DGKB: variants seen among roughly 807,000 people sequenced by gnomAD.
The protein encoded by DGKB is 90 kDa diacylglycerol kinase.
Under a neutral mutation model 114.3 loss-of-function variants are expected in DGKB, and 67 were observed. The ratio of observed to expected loss-of-function variants is 0.59; its 90% confidence interval spans 0.48 to 0.72. The LOEUF (loss-of-function observed/expected upper bound fraction) is 0.72, where lower values mean the gene tolerates loss of function less well. DGKB is among the 30% of genes least tolerant of loss of function. The pLI is 0.00. For missense variants in DGKB, 907 were observed against 975.2 expected, an observed-to-expected ratio of 0.93 and a Z score of 0.93; for synonymous variants, 398 against 323.1, an observed-to-expected ratio of 1.23 and a Z score of -2.49.
At chr7:14,679,157 C>T (rs776305456) in intron 12 of DGKB, among the ~76,000 whole-genome samples, 10 of 147,652 alleles carry the variant, frequency 6.8e-5, no homozygotes, top group Admixed American at 6.9e-5. Flanking sequence ...AGAGAAATGA[C>T]GTAAGTGTTC....
At position 14,701,673 on chromosome 7, in the gene DGKB, A is replaced by G; in HGVS notation, c.516+8T>C. ...AGTTTTCACAGAAACTTTGAAGAAA[A>G]AAATTACCGAGCTGTCCAGGAAGCC... On this transcript the variant is annotated splice_region_variant and intron_variant, in intron 7 of 25. Coordinates refer to ENST00000402815, the MANE Select transcript of DGKB (RefSeq NM_001350709.2). 1 of 1,603,260 alleles carries G rather than the reference A, an allele frequency of 6.2e-7. No homozygotes were observed. Among genetic ancestry groups the G allele is most frequent in the Non-Finnish European group, 8.5e-7 (1 of 1,170,898 alleles).
At chr7:14,276,523 A>G (rs1799019219) in intron 23 of DGKB, among the ~76,000 whole-genome samples, 1 of 152,224 alleles carries the variant, frequency 6.6e-6, no homozygotes, top group African/African-American at 2.4e-5. Flanking sequence ...CTGCAATATT[A>G]TATATACATC....
At chr7:14,309,555 G>C (rs1336488989) in intron 23 of DGKB, among the ~76,000 whole-genome samples, 1 of 152,122 alleles carries the variant, frequency 6.6e-6, no homozygotes, top group Non-Finnish European at 1.5e-5. Flanking sequence ...TGAATATCTG[G>C]AGCAATGCAA....
At chr7:14,891,093 C>T (rs1781152449) in intron 1 of DGKB, among the ~76,000 whole-genome samples, 1 of 151,254 alleles carries the variant, frequency 6.6e-6, no homozygotes, top group Non-Finnish European at 1.5e-5. Context: ...TCAGTACAAA[C>T]CATACTGATA....
At chr7:14,285,347 A>G (rs965415193) in intron 23 of DGKB, among the ~76,000 whole-genome samples, 2 of 152,166 alleles carry the variant, frequency 1.3e-5, no homozygotes, top group African/African-American at 4.8e-5. Flanking sequence ...GGGGCTACAA[A>G]TTACTATTGG....
At chr7:14,682,868 A>C (rs373536458) in intron 10 of DGKB, 27 bp from the exon 11 acceptor site, 9 of 1,500,480 alleles carry the variant, frequency 6.0e-6, no homozygotes, top group Non-Finnish European at 8.2e-6. Context: ...ACACAAATTC[A>C]GAGCTAATCC....
chr7:14,522,482 C>G (rs1037150496), intron 20 of DGKB, among the ~76,000 whole-genome samples: 2 of 152,186 alleles, frequency 1.3e-5, no homozygotes, highest in African/African-American at 4.8e-5. Flanking sequence ...GAAATTGCCA[C>G]CCTTCCTGTT....
At chr7:14,697,570 C>G (rs907127472) in intron 8 of DGKB, among the ~76,000 whole-genome samples, 2 of 151,436 alleles carry the variant, frequency 1.3e-5, no homozygotes, top group African/African-American at 4.9e-5. Flanking sequence ...TATTCAGAAT[C>G]CACTTTGACT....
At chr7:14,878,158 T>C (rs568183083) in intron 1 of DGKB, among the ~76,000 whole-genome samples, 7 of 151,856 alleles carry the variant, frequency 4.6e-5, no homozygotes, top group African/African-American at 1.5e-4. Context: ...CTTGCACATA[T>C]AAATCTATAA....
chr7:14,562,737 GA>G (rs1410782710), intron 20 of DGKB, among the ~76,000 whole-genome samples: 5 of 152,162 alleles, frequency 3.3e-5, no homozygotes, highest in African/African-American at 9.7e-5. Flanking sequence ...TTGTATCTAG[GA>G]AGCAATTAAC....
intron 23 of DGKB, among the ~76,000 whole-genome samples, chr7:14,277,340 T>G (rs183538284): frequency 8.6e-4 from 131 of 151,974 alleles, no homozygotes; most frequent in African/African-American, 3.0e-3. Flanking sequence ...CCAGGTAATT[T>G]TTTTTTCTTT....
chr7:14,607,300 G>A (rs561422376), intron 17 of DGKB, 134 bp downstream of exon 17: 8 of 571,506 alleles, frequency 1.4e-5, no homozygotes, highest in East Asian at 1.0e-4. Context: ...TTTCTCTTAC[G>A]TAGTTGATAT....
rs1422221010 is a variant in DGKB at position 14,147,513 on chromosome 7, C to T, written c.*1618G>A. 1.3e-5 allele frequency: 2 copies of T among 152,096 alleles called. No individual in the cohort carries two copies. The highest frequency in any genetic ancestry group is 6.6e-5 in the Admixed American group (1 of 15,264). 9.4% of individuals were successfully genotyped at this position (152,096 alleles called of 1,614,324 possible). The stretch of plus-strand genomic sequence containing the variant: ...CAAAGAACTAAAATTATAGCAATTT[C>T]ACTTGAAATCCATAAATCCATGCAC... On this transcript the variant is annotated 3_prime_UTR_variant, in exon 26 of 26. Transcript: ENST00000402815.
intron 9 of DGKB, among the ~76,000 whole-genome samples, chr7:14,689,973 G>A (rs1404100195): frequency 6.6e-6 from 1 of 152,106 alleles, no homozygotes; most frequent in Admixed American, 6.5e-5. Flanking sequence ...AGGATTTTTG[G>A]CACACATATA....
chr7:14,360,266 G>A (rs1206090480), intron 21 of DGKB, among the ~76,000 whole-genome samples: 1 of 151,952 alleles, frequency 6.6e-6, no homozygotes, highest in Non-Finnish European at 1.5e-5. Context: ...TGAACAATGA[G>A]AACACTTGGA....
chr7:14,243,874 A>C (rs533230566), intron 23 of DGKB, among the ~76,000 whole-genome samples: 1 of 152,334 alleles, frequency 6.6e-6, no homozygotes, highest in African/African-American at 2.4e-5. Flanking sequence ...GGGATCCATG[A>C]TAACTGATTT....
At chr7:14,745,331 A>C (rs941025544) in intron 4 of DGKB, among the ~76,000 whole-genome samples, 1 of 152,230 alleles carries the variant, frequency 6.6e-6, no homozygotes, top group African/African-American at 2.4e-5. Flanking sequence ...CATATTTCCA[A>C]AACAGTGCCC....
At chr7:14,749,401 A>G (rs2128428735) in intron 4 of DGKB, among the ~76,000 whole-genome samples, 1 of 152,294 alleles carries the variant, frequency 6.6e-6, no homozygotes, top group Admixed American at 6.5e-5. Flanking sequence ...TCAGAGTCAC[A>G]TACTCCATTA....
At chr7:14,241,723 A>G (rs1457308699) in intron 23 of DGKB, among the ~76,000 whole-genome samples, 1 of 152,128 alleles carries the variant, frequency 6.6e-6, no homozygotes, top group African/African-American at 2.4e-5. Flanking sequence ...ACATTTATGT[A>G]GACACAATAA....
Sources: allele counts gnomAD v4.1 joint callset (sites outside exome capture counted in the v4.1 genomes callset), GRCh38; gene constraint gnomAD v4.1.1; transcripts MANE v1.5; gene names NCBI Gene and HGNC (gene_info 2026-07-23, HGNC 2026-07-21).